The following DENND1A variants were observed in gnomAD, a reference collection of about 807,000 sequenced individuals.
DENND1A encodes the protein DENN domain-containing protein 1A.
In DENND1A, 51 loss-of-function variants were observed where a neutral mutation model predicts 113.7. That is an observed-to-expected ratio of 0.45 (90% CI 0.36 to 0.57). DENND1A has a LOEUF of 0.57. Ranked by LOEUF, DENND1A falls within the 20% of genes least tolerant of loss-of-function variation. DENND1A has a pLI of 0.00. For synonymous variants in DENND1A, 565 were observed against 570.8 expected (o/e 0.99, Z 0.14); for missense variants, 1,258 against 1,395.9 (o/e 0.90, Z 1.57).
intron 11 of DENND1A, among the ~76,000 whole-genome samples, chr9:123,589,520 C>A (rs760978013): frequency 6.6e-6 from 1 of 151,272 alleles, no homozygotes; most frequent in Non-Finnish European, 1.5e-5. Context: ...TGCGGCACAC[C>A]GAGACAGCTC....
At chr9:123,517,308 CACA>C (rs1460425035) in intron 13 of DENND1A, among the ~76,000 whole-genome samples, 1 of 149,824 alleles carries the variant, frequency 6.7e-6, no homozygotes, top group Non-Finnish European at 1.5e-5. Context: ...CCATTCATAT[CACA>C]ACAACAAAAA....
At chr9:123,578,517 T>C (rs1230597237) in intron 12 of DENND1A, among the ~76,000 whole-genome samples, 2 of 152,244 alleles carry the variant, frequency 1.3e-5, no homozygotes, top group African/African-American at 4.8e-5. Context: ...AATGCTGGGA[T>C]TATAGGCATG....
intron 4 of DENND1A, among the ~76,000 whole-genome samples, chr9:123,761,765 T>C (rs936572115): frequency 1.3e-5 from 2 of 152,198 alleles, no homozygotes; most frequent in Non-Finnish European, 2.9e-5. Context: ...TCAAAGAGGT[T>C]AACTTAAAAG....
intron 3 of DENND1A, among the ~76,000 whole-genome samples, chr9:123,778,287 G>A (rs1752167): frequency 0.34 from 51,625 of 152,034 alleles, 12,113 homozygotes; most frequent in African/African-American, 0.67. Context: ...AAACACAACA[G>A]TGGTACCAGA....
intron 13 of DENND1A, chr9:123,492,213 A>C (rs2051436723): frequency 6.6e-6 from 1 of 152,456 alleles, no homozygotes. Context: ...AGACAGGCAC[A>C]TGAGGGCACT....
At chr9:123,395,364 G>A (rs1334153986) in intron 21 of DENND1A, among the ~76,000 whole-genome samples, 1 of 152,162 alleles carries the variant, frequency 6.6e-6, no homozygotes, top group African/African-American at 2.4e-5. Context: ...GTGGGCAGAA[G>A]TGAGGTATTC....
chr9:123,578,850 G>T (rs554874739), intron 12 of DENND1A, among the ~76,000 whole-genome samples: 157 of 152,062 alleles, frequency 1.0e-3, no homozygotes, highest in African/African-American at 3.5e-3. Flanking sequence ...GTTTGTGTGT[G>T]TGTGTGTGCA....
intron 10 of DENND1A, among the ~76,000 whole-genome samples, chr9:123,617,693 T>A (rs2060726899): frequency 1.3e-5 from 2 of 152,212 alleles, no homozygotes; most frequent in Admixed American, 1.3e-4. Context: ...CTAAGACCAC[T>A]GCGGCAGGAG....
At chr9:123,870,698 G>A (rs778003651) in intron 2 of DENND1A, among the ~76,000 whole-genome samples, 1 of 152,058 alleles carries the variant, frequency 6.6e-6, no homozygotes, top group South Asian at 2.1e-4. Flanking sequence ...GCCTCCCAAA[G>A]TGCTGGGATT....
At chr9:123,681,224 G>A (rs1159769214) in intron 5 of DENND1A, among the ~76,000 whole-genome samples, 1 of 151,016 alleles carries the variant, frequency 6.6e-6, no homozygotes, top group African/African-American at 2.4e-5. Flanking sequence ...GGCCTGACCA[G>A]CAATGGTATT....
At chr9:123,598,983 G>C (rs2059824149) in intron 11 of DENND1A, among the ~76,000 whole-genome samples, 1 of 152,114 alleles carries the variant, frequency 6.6e-6, no homozygotes, top group African/African-American at 2.4e-5. Flanking sequence ...AAGGATTTTA[G>C]GCAAGACACA....
intron 5 of DENND1A, among the ~76,000 whole-genome samples, chr9:123,725,590 ACTG>A (rs2067646982): frequency 6.6e-6 from 1 of 152,240 alleles, no homozygotes; most frequent in African/African-American, 2.4e-5. Context: ...CACGAGCAGA[ACTG>A]CAGGCAGGCT....
At chr9:123,451,059 C>CAG (rs1377928138) in intron 17 of DENND1A, among the ~76,000 whole-genome samples, 4 of 152,080 alleles carry the variant, frequency 2.6e-5, no homozygotes, top group African/African-American at 9.7e-5. Flanking sequence ...TGACAGCTAC[C>CAG]AGTAAGAGTA....
At chr9:123,851,395 G>T (rs968865790) in intron 2 of DENND1A, among the ~76,000 whole-genome samples, 1 of 152,108 alleles carries the variant, frequency 6.6e-6, no homozygotes, top group African/African-American at 2.4e-5. Context: ...TCTATGTATA[G>T]AACTCAATTT....
chr9:123,705,562 T>G (rs1238367543), intron 5 of DENND1A, among the ~76,000 whole-genome samples: 2 of 152,066 alleles, frequency 1.3e-5, no homozygotes, highest in Non-Finnish European at 2.9e-5. Context: ...TATATGCCAT[T>G]TATAGAACCC....
chr9:123,704,836 G>T lies in DENND1A; in HGVS notation c.303-28047C>A, dbSNP rs548800157. 2.0e-5 allele frequency among the ~76,000 whole-genome samples: 3 copies of T among 152,192 alleles called. No individual in the cohort carries two copies. In the East Asian group the frequency reaches 5.8e-4, roughly 29 times the overall value. On this transcript the variant is annotated intron_variant, in intron 5 of 23. Transcript: ENST00000394215. ...AAAAGATTAGACACGAGTAAAAGTGGCATTAGTGAGCCGGAAGATAAACCC... is the reference window on the plus strand; with the variant it reads ...AAAAGATTAGACACGAGTAAAAGTGTCATTAGTGAGCCGGAAGATAAACCC...
intron 9 of DENND1A, among the ~76,000 whole-genome samples, chr9:123,645,932 T>A (rs1042864551): frequency 6.6e-6 from 1 of 152,198 alleles, no homozygotes; most frequent in Non-Finnish European, 1.5e-5. Flanking sequence ...TGAACTGTTA[T>A]CCTCTCAGAG....
intron 3 of DENND1A, among the ~76,000 whole-genome samples, chr9:123,778,346 G>T (rs1830755847): frequency 6.6e-6 from 1 of 152,160 alleles, no homozygotes; most frequent in African/African-American, 2.4e-5. Context: ...ATACAGTACA[G>T]AAGTTCTTTT....
chr9:123,738,442 T>TG (rs2068736232), intron 5 of DENND1A, among the ~76,000 whole-genome samples: 2 of 116,544 alleles, frequency 1.7e-5, no homozygotes, highest in African/African-American at 8.9e-5. Flanking sequence ...GTCAACAGCT[T>TG]CTGTGTGTGT....
Sources: gnomAD v4.1 joint callset for allele counts (sites outside exome capture counted in the v4.1 genomes callset) on GRCh38, gnomAD v4.1.1 for gene constraint, MANE v1.5 for transcripts, NCBI Gene and HGNC (gene_info 2026-07-23, HGNC 2026-07-21) for gene names.